CCNI: variants seen among roughly 807,000 people sequenced by gnomAD.
CCNI encodes the protein cyclin-I.
A neutral mutation model predicts 34.1 loss-of-function variants in CCNI; 14 were observed. The observed-to-expected ratio is 0.41, with a 90% confidence interval of 0.27 to 0.64. The LOEUF (loss-of-function observed/expected upper bound fraction) is 0.64, where lower values mean the gene tolerates loss of function less well. Ranked by LOEUF, CCNI falls within the 30% of genes least tolerant of loss-of-function variation. The probability of loss-of-function intolerance (pLI) is 0.31; values close to 1 mark genes in which losing one functional copy is unlikely to be tolerated. For synonymous variants in CCNI, 154 were observed against 158.4 expected (o/e 0.97, Z 0.21); for missense variants, 385 against 440.5 (o/e 0.87, Z 1.13).
chr4:77,056,188 A>G (rs1334343428), intron 4 of CCNI, 61 bp downstream of exon 4: 8 of 1,595,624 alleles, frequency 5.0e-6, no homozygotes, highest in Non-Finnish European at 6.9e-6. Context: ...AAACGAAGCA[A>G]GTTAATAAAT....
rs1251178660 is a variant in CCNI at position 77,055,019 on chromosome 4, C to G, written c.690+131G>C. ...CTAGCCCGTAAATTTAAAATATATA[C>G]TTTACTCTTGTCTACTCTTAAGAAT... On this transcript the variant is annotated intron_variant, in intron 6 of 6. Coordinates refer to ENST00000237654, the MANE Select transcript of CCNI (RefSeq NM_006835.3). 6.6e-6 allele frequency: 4 copies of G among 607,914 alleles called. No homozygotes were observed. In the African/African-American group the frequency reaches 7.5e-5, roughly 11 times the overall value. The allele number at this position is 607,914 out of a possible 1,614,324, so 37.7% of individuals were successfully genotyped here.
intron 2 of CCNI, among the ~76,000 whole-genome samples, chr4:77,065,498 C>T (rs1296081433): frequency 6.6e-6 from 1 of 152,194 alleles, no homozygotes; most frequent in South Asian, 2.1e-4. Flanking sequence ...GACCAGCTGG[C>T]TATCTTCTAA....
In CCNI at chr4:77,070,474, CTT is replaced by C. The variant is rs543086530; in HGVS notation, c.-43-4071_-43-4070del. 7.7e-3 allele frequency among the ~76,000 whole-genome samples: 921 copies of C among 119,118 alleles called. 9 individuals carry two copies. The highest frequency in any genetic ancestry group is 0.026 in the African/African-American group (838 of 32,752). The allele number at this position is 119,118 out of a possible 152,430, so 78.1% of individuals were successfully genotyped here. ...ATTGTGTGCGAGGTTTGGGTACTTTCTTTTTTTTTTTTTTTTTTTGACACATC... is the reference window on the plus strand; with the variant it reads ...ATTGTGTGCGAGGTTTGGGTACTTTCTTTTTTTTTTTTTTTTTGACACATC... On this transcript the variant is annotated intron_variant, in intron 1 of 6. Coordinates refer to ENST00000237654, the MANE Select transcript of CCNI (RefSeq NM_006835.3).
chr4:77,075,913 G>C lies in CCNI; in HGVS notation c.-485C>G, dbSNP rs1449905814. ...AGAAAAGAAAAAAAAAAAAAGAAAG[G>C]GGAAAGGGGGGAAAAATAAGAAAAA... On this transcript the variant is annotated 5_prime_UTR_variant, in exon 1 of 7. Transcript: ENST00000237654. The C allele has an allele frequency of 6.6e-6, 1 of 151,780 alleles. No individual in the cohort carries two copies. Among genetic ancestry groups the C allele is most frequent in the Non-Finnish European group, 1.5e-5 (1 of 67,940 alleles). 9.4% of individuals were successfully genotyped at this position (151,780 alleles called of 1,614,324 possible). A position where few individuals can be genotyped will look rare whatever the true frequency, so the allele number is the denominator to read the frequency against.
chr4:77,070,874 G>C (rs1368184978), intron 1 of CCNI, among the ~76,000 whole-genome samples: 1 of 152,190 alleles, frequency 6.6e-6, no homozygotes, highest in East Asian at 1.9e-4. Context: ...ATGTAAACCA[G>C]ATGACCATCT....
rs1727539333 is a variant in CCNI at position 77,047,956 on chromosome 4, GAC to G, written c.*261_*262del. On this transcript the variant is annotated 3_prime_UTR_variant, in exon 7 of 7. Coordinates refer to ENST00000237654, the MANE Select transcript of CCNI (RefSeq NM_006835.3). ...ATTATGGCAGAAAAAAAGTGCAACT[GAC>G]ATACTACAAAGAGATTTTTTAAGTT... 1 of 309,366 alleles carries G rather than the reference GAC, an allele frequency of 3.2e-6. No individual in the cohort carries two copies. Among genetic ancestry groups the G allele is most frequent in the African/African-American group, 2.1e-5 (1 of 46,524 alleles). 19.2% of individuals were successfully genotyped at this position (309,366 alleles called of 1,614,324 possible). A position where few individuals can be genotyped will look rare whatever the true frequency, so the allele number is the denominator to read the frequency against.
At position 77,047,198 on chromosome 4, in the gene CCNI, T is replaced by C. The variant is rs1015361863; in HGVS notation, c.*1021A>G. On this transcript the variant is annotated 3_prime_UTR_variant, in exon 7 of 7. Transcript: ENST00000237654. ...TGCTACCAGAGGCTTTTATCATCAG[T>C]ACACAGTTCTGACTGCAATACCTTT... 4 of 152,206 alleles carry C rather than the reference T, an allele frequency of 2.6e-5. No individual in the cohort carries two copies. Among genetic ancestry groups the C allele is most frequent in the African/African-American group, 9.6e-5 (4 of 41,452 alleles). The allele number at this position is 152,206 out of a possible 1,614,324, so 9.4% of individuals were successfully genotyped here.
intron 1 of CCNI, among the ~76,000 whole-genome samples, chr4:77,074,066 A>ATC (rs1729704482): frequency 6.6e-6 from 1 of 152,220 alleles, no homozygotes; most frequent in Admixed American, 6.5e-5. Context: ...AAAGACGAAG[A>ATC]AACATACATA....
chr4:77,073,081 T>C lies in CCNI; in HGVS notation c.-44+2391A>G, dbSNP rs556453575. Among the ~76,000 whole-genome samples, 6 of 152,366 alleles carry C rather than the reference T, an allele frequency of 3.9e-5. No homozygotes were observed. The South Asian group carries it at 1.0e-3, about 26-fold the overall frequency. ...CAATTTTAGTTTTAACAGAACTATA[T>C]AGTTATGTTTTGTTACTGTATGCCT... On this transcript the variant is annotated intron_variant, in intron 1 of 6. Coordinates refer to ENST00000237654, the MANE Select transcript of CCNI (RefSeq NM_006835.3).
chr4:77,071,998 C>G (rs1479499954), intron 1 of CCNI, among the ~76,000 whole-genome samples: 4 of 152,134 alleles, frequency 2.6e-5, no homozygotes, highest in African/African-American at 9.7e-5. Flanking sequence ...TTTACAAATT[C>G]TTCCCAACTT....
chr4:77,051,093 C>G (rs1727795199), intron 6 of CCNI, among the ~76,000 whole-genome samples: 1 of 152,166 alleles, frequency 6.6e-6, no homozygotes, highest in Admixed American at 6.5e-5. Context: ...AATGCCTACA[C>G]ATCACTTCAT....
At chr4:77,070,937 G>A (rs1729419941) in intron 1 of CCNI, among the ~76,000 whole-genome samples, 1 of 152,122 alleles carries the variant, frequency 6.6e-6, no homozygotes, top group Admixed American at 6.5e-5. Context: ...AGACTTCATA[G>A]GTTCTAAGGT....
Position 77,075,598 on chromosome 4 carries a change from G to C in CCNI, c.-170C>G. 1 of 987,398 alleles carries C rather than the reference G, an allele frequency of 1.0e-6. No homozygotes were observed. The highest frequency in any genetic ancestry group is 1.2e-6 in the Non-Finnish European group (1 of 829,740). 61.2% of individuals were successfully genotyped at this position (987,398 alleles called of 1,614,324 possible). On this transcript the variant is annotated 5_prime_UTR_variant, in exon 1 of 7. Coordinates refer to ENST00000237654, the MANE Select transcript of CCNI (RefSeq NM_006835.3). ...AGGCGCGCGGAGGCGGTGCGCGCGG[G>C]ACGACTCGGCCAACTGAGGAGGGAG...
chr4:77,058,440 A>G (rs1728383088), intron 3 of CCNI, 67 bp downstream of exon 3: 2 of 1,276,770 alleles, frequency 1.6e-6, no homozygotes, highest in Non-Finnish European at 2.2e-6. Flanking sequence ...ATGTTCACTA[A>G]TAGCCTCTAG....
intron 5 of CCNI, 120 bp downstream of exon 5, chr4:77,055,842 G>T: frequency 1.3e-6 from 1 of 781,390 alleles, no homozygotes. Flanking sequence ...ATTTTTCCTT[G>T]GATATCAAGT....
In CCNI at chr4:77,048,527, C is replaced by T. The variant is rs1378662057; in HGVS notation, c.826G>A (p.Val276Met). The T allele has an allele frequency of 3.7e-6, 6 of 1,614,002 alleles. No individual in the cohort carries two copies. Among genetic ancestry groups the T allele is most frequent in the Non-Finnish European group, 5.1e-6 (6 of 1,179,922 alleles). ...KHTLVTCDKGVFRLHPSSVPG... is the reference protein window; with the variant it reads ...KHTLVTCDKGMFRLHPSSVPG... ...ACAGAGGAGGGATGTAATCTGAACACTCCTTTGTCACAGGTCACCAGGGTG... is the reference window on the plus strand; with the variant it reads ...ACAGAGGAGGGATGTAATCTGAACATTCCTTTGTCACAGGTCACCAGGGTG... Residue 276 changes from valine to methionine, a missense_variant, in exon 7 of 7, where the codon GTG (valine) becomes ATG (methionine). Val to Met is a conservative substitution (Grantham distance 21). Transcript: ENST00000237654.
chr4:77,053,643 A>ATCTTGAGAGTAC (rs1728021237), intron 6 of CCNI, among the ~76,000 whole-genome samples: 5 of 152,208 alleles, frequency 3.3e-5, no homozygotes. Context: ...TTTCTGTACT[A>ATCTTGAGAGTAC]TCTTGAGAGT....
At chr4:77,072,963 T>C (rs4252789) in intron 1 of CCNI, among the ~76,000 whole-genome samples, 2 of 152,228 alleles carry the variant, frequency 1.3e-5, no homozygotes, top group East Asian at 3.8e-4. Flanking sequence ...GGCTTTTCTT[T>C]TACTGACAGT....
chr4:77,050,874 A>C (rs1247242728), intron 6 of CCNI, among the ~76,000 whole-genome samples: 1 of 152,144 alleles, frequency 6.6e-6, no homozygotes, highest in African/African-American at 2.4e-5. Context: ...GGGAGTAAAA[A>C]AGGGGCTATA....
Sources: gnomAD v4.1 joint callset for allele counts (sites outside exome capture counted in the v4.1 genomes callset) on GRCh38, gnomAD v4.1.1 for gene constraint, MANE v1.5 for transcripts, NCBI Gene and HGNC (gene_info 2026-07-23, HGNC 2026-07-21) for gene names.